The following EFCAB12 variants were observed in gnomAD, a reference collection of about 807,000 sequenced individuals.
EFCAB12 encodes EF-hand calcium binding domain 12.
A neutral mutation model predicts 53.6 loss-of-function variants in EFCAB12; 43 were observed. The ratio of observed to expected loss-of-function variants is 0.80; its 90% CI spans 0.63 to 1.03. The LOEUF (loss-of-function observed/expected upper bound fraction) is 1.03, where lower values mean the gene tolerates loss of function less well. Among genes scored for constraint, EFCAB12 ranks in the 50% least tolerant of loss-of-function variants. EFCAB12 has a pLI of 0.00. For missense variants in EFCAB12, 646 were observed against 730.6 expected, an observed-to-expected ratio of 0.88 and a Z score of 1.34; for synonymous variants, 269 against 289.2, an observed-to-expected ratio of 0.93 and a Z score of 0.71.
intron 1 of EFCAB12, among the ~76,000 whole-genome samples, chr3:129,425,193 C>T (rs1449106492): frequency 6.6e-6 from 1 of 152,166 alleles, no homozygotes; most frequent in Non-Finnish European, 1.5e-5. Context: ...TCTTGCTGCT[C>T]CCATTTGGGT....
At chr3:129,408,910 C>G (rs1389527280) in intron 5 of EFCAB12, 52 bp from the exon 6 acceptor site, 58 of 1,536,852 alleles carry the variant, frequency 3.8e-5, no homozygotes, top group Non-Finnish European at 5.0e-5. Flanking sequence ...TGTCCCTCCT[C>G]CTGGCCAGAA....
chr3:129,402,958 C>G (rs2107734820), intron 7 of EFCAB12: 1 of 193,422 alleles, frequency 5.2e-6, no homozygotes, highest in African/African-American at 2.4e-5. Flanking sequence ...AGAGCTTAAC[C>G]CAGCCCTGAG....
Position 129,401,792 on chromosome 3 carries a change from G to A in EFCAB12, c.1520C>T (p.Pro507Leu), listed in dbSNP as rs550703177. ...LQQTHPNSFW[P>L]GHLLDKLQLY... ...CTGCAGCTTATCCAGAAGATGACCC[G>A]GCCAGAAGGAATTGGGGTGTGTTTG... Residue 507 changes from proline to leucine, a missense_variant, in exon 9 of 9, where the codon CCG (proline) becomes CTG (leucine). Coordinates refer to ENST00000505956, the MANE Select transcript of EFCAB12 (RefSeq NM_207307.3). 1.3e-5 allele frequency: 21 copies of A among 1,612,826 alleles called. No individual in the cohort carries two copies. Among genetic ancestry groups the A allele is most frequent in the Admixed American group, 8.4e-5 (5 of 59,854 alleles).
intron 1 of EFCAB12, among the ~76,000 whole-genome samples, chr3:129,426,696 A>C (rs28696244): frequency 0.014 from 2,077 of 151,472 alleles, 41 homozygotes; most frequent in African/African-American, 0.045. Flanking sequence ...TTTTTAATTG[A>C]GACAGGGTCT....
At chr3:129,421,301 A>C in intron 2 of EFCAB12, 66 bp downstream of exon 2, 2 of 1,477,640 alleles carry the variant, frequency 1.4e-6, no homozygotes, top group Non-Finnish European at 1.8e-6. Context: ...GCCTAACCCA[A>C]GGGAATAAAA....
chr3:129,401,676 G>C lies in EFCAB12; in HGVS notation c.1636C>G (p.Pro546Ala). ...QPHVYPATYH[P>A]DHWWPLRNKN... ...TTCCTAAGGGGCCACCAGTGGTCAG[G>C]GTGGTAGGTGGCTGGGTAGACATGG... Residue 546 changes from proline (P) to alanine (A), a missense_variant, in exon 9 of 9, where the codon CCT becomes GCT. Pro to Ala is a conservative substitution (Grantham distance 27). Transcript: ENST00000505956. The C allele has an allele frequency of 1.3e-6, 2 of 1,589,748 alleles. No homozygotes were observed. Among genetic ancestry groups the C allele is most frequent in the Non-Finnish European group, 1.7e-6 (2 of 1,168,044 alleles).
Position 129,428,616 on chromosome 3 carries a change from A to C in EFCAB12, c.-128T>G. 8.8e-7 allele frequency: 1 copy of C among 1,140,842 alleles called. No homozygotes were observed. Among genetic ancestry groups the C allele is most frequent in the Non-Finnish European group, 1.2e-6 (1 of 808,662 alleles). 70.7% of individuals were successfully genotyped at this position (1,140,842 alleles called of 1,614,324 possible). ...AAGTCGTGCGAAAGGCGCTCAGCTCAGACTGCAGAAGCAACCTGTTGCCGT... is the reference window on the plus strand; with the variant it reads ...AAGTCGTGCGAAAGGCGCTCAGCTCCGACTGCAGAAGCAACCTGTTGCCGT... On this transcript the variant is annotated 5_prime_UTR_variant, in exon 1 of 9. Coordinates refer to ENST00000505956, the MANE Select transcript of EFCAB12 (RefSeq NM_207307.3).
chr3:129,411,199 C>T lies in EFCAB12; in HGVS notation c.994G>A (p.Glu332Lys), dbSNP rs759633401. 5 of 1,612,330 alleles carry T rather than the reference C, an allele frequency of 3.1e-6. No individual in the cohort carries two copies. In the South Asian group the frequency reaches 3.3e-5, roughly 11 times the overall value. Residue 332 changes from glutamate (E) to lysine (K), a missense_variant, in exon 5 of 9, where the codon GAA becomes AAA. Coordinates refer to ENST00000505956, the MANE Select transcript of EFCAB12 (RefSeq NM_207307.3). ...TRPMTLEEME[E>K]VGKRYRERQR... is the part of the protein sequence containing the mutation. ...CGCTCGCGGTACCGCTTGCCCACTT[C>T]CTCCATCTCCTCCAGGGTCATGGGC...
At chr3:129,421,869 A>C in intron 1 of EFCAB12, 66 bp from the exon 2 acceptor site, 8 of 1,476,858 alleles carry the variant, frequency 5.4e-6, no homozygotes, top group Non-Finnish European at 7.2e-6. Context: ...CCAGGAAGGA[A>C]AAACACTTTT....
chr3:129,425,752 G>A (rs1165643441), intron 1 of EFCAB12, among the ~76,000 whole-genome samples: 2 of 152,156 alleles, frequency 1.3e-5, no homozygotes, highest in Non-Finnish European at 2.9e-5. Context: ...AATGTTCCTA[G>A]GAAATTGGCA....
chr3:129,407,310 A>G (rs1176421536), intron 6 of EFCAB12, among the ~76,000 whole-genome samples: 2 of 152,200 alleles, frequency 1.3e-5, no homozygotes, highest in African/African-American at 4.8e-5. Flanking sequence ...CGCGCAGTCC[A>G]CAGACTGGTA....
chr3:129,405,882 G>T (rs2071943720), intron 6 of EFCAB12, among the ~76,000 whole-genome samples: 1 of 152,168 alleles, frequency 6.6e-6, no homozygotes, highest in African/African-American at 2.4e-5. Flanking sequence ...AGATCCTGCA[G>T]ACAGGTGAAG....
chr3:129,402,653 G>A, intron 7 of EFCAB12, 74 bp from the exon 8 acceptor site: 1 of 1,423,188 alleles, frequency 7.0e-7, no homozygotes, highest in Non-Finnish European at 9.6e-7. Flanking sequence ...GAGTAGGTCA[G>A]GGCCGCAGGG....
At chr3:129,426,844 CCTTT>C (rs2072279067) in intron 1 of EFCAB12, among the ~76,000 whole-genome samples, 3 of 139,120 alleles carry the variant, frequency 2.2e-5, no homozygotes, top group African/African-American at 5.7e-5. Context: ...GCCTAGCTAA[CCTTT>C]TTTTTTTTTT....
In EFCAB12 at chr3:129,401,492, T is replaced by A. The variant is rs1046468135; in HGVS notation, c.*101A>T. 1.4e-6 allele frequency: 2 copies of A among 1,418,304 alleles called. No individual in the cohort carries two copies. Among genetic ancestry groups the A allele is most frequent in the African/African-American group, 2.9e-5 (2 of 69,064 alleles). 87.9% of individuals were successfully genotyped at this position (1,418,304 alleles called of 1,614,324 possible). A position where few individuals can be genotyped will look rare whatever the true frequency, so the allele number is the denominator to read the frequency against. ...CCATCCCTCTTTGAAAGGATTTCTTTAGTTTGACTCTTTGACACTCCTCTT... is the reference window on the plus strand; with the variant it reads ...CCATCCCTCTTTGAAAGGATTTCTTAAGTTTGACTCTTTGACACTCCTCTT... On this transcript the variant is annotated 3_prime_UTR_variant, in exon 9 of 9. Coordinates refer to ENST00000505956, the MANE Select transcript of EFCAB12 (RefSeq NM_207307.3).
At chr3:129,413,822 A>G (rs1467180330) in intron 4 of EFCAB12, 1 of 152,166 alleles carries the variant, frequency 6.6e-6, no homozygotes, top group Non-Finnish European at 1.5e-5. Flanking sequence ...TCACCAGGGA[A>G]AAAGAACTCA....
intron 2 of EFCAB12, among the ~76,000 whole-genome samples, chr3:129,420,017 T>TGCCACACA (rs957755038): frequency 3.2e-4 from 48 of 152,320 alleles, no homozygotes; most frequent in African/African-American, 1.1e-3. Context: ...GTTTTCCCAA[T>TGCCACACA]GCCACACAGC....
intron 6 of EFCAB12, among the ~76,000 whole-genome samples, chr3:129,408,030 G>A (rs35580429): frequency 1.3e-5 from 2 of 152,010 alleles, no homozygotes; most frequent in Non-Finnish European, 2.9e-5. Context: ...TGCTCACCCC[G>A]CAGAGACACA....
At chr3:129,413,312 T>C (rs2072069407) in intron 4 of EFCAB12, 1 of 152,212 alleles carries the variant, frequency 6.6e-6, no homozygotes. Context: ...ACTTCTCTTC[T>C]AACTATAAGC....
Sources: allele counts gnomAD v4.1 joint callset (sites outside exome capture counted in the v4.1 genomes callset), GRCh38; gene constraint gnomAD v4.1.1; transcripts MANE v1.5; gene names NCBI Gene and HGNC (gene_info 2026-07-23, HGNC 2026-07-21).